Variants in ST6GALNAC5 observed in about 807,000 individuals in gnomAD.
The protein encoded by ST6GALNAC5 is ST6 N-acetylgalactosaminide alpha-2,6-sialyltransferase 5.
ST6GALNAC5 carries 27 observed loss-of-function variants against 33.6 expected under a neutral mutation model. The observed-to-expected ratio is 0.80, with a 90% CI of 0.59 to 1.11. The LOEUF (loss-of-function observed/expected upper bound fraction) is 1.11. Ranked by LOEUF, ST6GALNAC5 falls within the 50% of genes least tolerant of loss-of-function variation. The pLI is 0.00. For missense variants in ST6GALNAC5, 428 were observed against 454.0 expected (o/e 0.94, Z 0.52); for synonymous variants, 194 against 171.2 (o/e 1.13, Z -1.04).
chr1:76,903,855 C>T (rs1359148229), intron 2 of ST6GALNAC5, among the ~76,000 whole-genome samples: 3 of 152,170 alleles, frequency 2.0e-5, no homozygotes, highest in East Asian at 1.9e-4. Flanking sequence ...ATGAGATGTC[C>T]AGAATAAGCA....
chr1:76,960,456 T>C (rs1018604032), intron 2 of ST6GALNAC5, among the ~76,000 whole-genome samples: 1 of 152,194 alleles, frequency 6.6e-6, no homozygotes, highest in East Asian at 1.9e-4. Flanking sequence ...TTAAAATTGC[T>C]AATGAAGTTT....
intron 2 of ST6GALNAC5, among the ~76,000 whole-genome samples, chr1:76,914,130 A>C (rs916881253): frequency 3.9e-5 from 6 of 152,164 alleles, no homozygotes; most frequent in African/African-American, 1.4e-4. Flanking sequence ...TCCAACTTAC[A>C]AGGGACATGA....
intron 2 of ST6GALNAC5, among the ~76,000 whole-genome samples, chr1:76,921,061 G>A (rs908588473): frequency 1.3e-5 from 2 of 152,110 alleles, no homozygotes; most frequent in East Asian, 1.9e-4. Context: ...TATTTTAGTG[G>A]GAATTATGCC....
chr1:77,024,665 T>A (rs953586170), intron 2 of ST6GALNAC5, among the ~76,000 whole-genome samples: 5 of 152,182 alleles, frequency 3.3e-5, no homozygotes, highest in African/African-American at 9.7e-5. Flanking sequence ...CGCAAGGGAC[T>A]TTGATATGTG....
At chr1:76,897,823 A>G (rs960532430) in intron 2 of ST6GALNAC5, among the ~76,000 whole-genome samples, 106 of 152,272 alleles carry the variant, frequency 7.0e-4, no homozygotes, top group Admixed American at 2.6e-3. Flanking sequence ...CAGAGTTGGG[A>G]AGTTTTAAGA....
chr1:76,888,689 T>C (rs962996545), intron 2 of ST6GALNAC5, among the ~76,000 whole-genome samples: 5 of 152,104 alleles, frequency 3.3e-5, no homozygotes, highest in African/African-American at 9.7e-5. Flanking sequence ...CCTGTATTAG[T>C]TTAAAAATTA....
At chr1:76,892,345 C>G (rs1654031670) in intron 2 of ST6GALNAC5, among the ~76,000 whole-genome samples, 1 of 152,212 alleles carries the variant, frequency 6.6e-6, no homozygotes, top group African/African-American at 2.4e-5. Flanking sequence ...TAAGATAGAT[C>G]TTAAACAGAA....
intron 2 of ST6GALNAC5, among the ~76,000 whole-genome samples, chr1:77,019,672 T>G (rs559801696): frequency 6.6e-6 from 1 of 152,324 alleles, no homozygotes; most frequent in East Asian, 1.9e-4. Flanking sequence ...CATGCTGATA[T>G]GAGTAGCAGA....
intron 2 of ST6GALNAC5, among the ~76,000 whole-genome samples, chr1:76,963,152 G>A (rs1648313747): frequency 6.6e-6 from 1 of 152,170 alleles, no homozygotes; most frequent in African/African-American, 2.4e-5. Flanking sequence ...GTGAGACCCT[G>A]ATAGTAAAGA....
At chr1:77,006,994 G>C (rs1169889264) in intron 2 of ST6GALNAC5, among the ~76,000 whole-genome samples, 1 of 152,172 alleles carries the variant, frequency 6.6e-6, no homozygotes, top group African/African-American at 2.4e-5. Context: ...CAGGGTGGCA[G>C]GGTCCCAAGA....
At chr1:77,042,269 C>T (rs529874328) in intron 2 of ST6GALNAC5, among the ~76,000 whole-genome samples, 45 of 152,268 alleles carry the variant, frequency 3.0e-4, no homozygotes, top group African/African-American at 1.0e-3. Context: ...CTTTGTGCCC[C>T]CAGCTTTGCT....
intron 2 of ST6GALNAC5, among the ~76,000 whole-genome samples, chr1:76,920,667 T>C (rs1647025509): frequency 6.6e-6 from 1 of 152,168 alleles, no homozygotes; most frequent in South Asian, 2.1e-4. Flanking sequence ...TGCATTACCT[T>C]CTAATACTGG....
intron 2 of ST6GALNAC5, among the ~76,000 whole-genome samples, chr1:77,021,006 A>G (rs1002150066): frequency 4.6e-5 from 7 of 152,150 alleles, no homozygotes; most frequent in Admixed American, 3.9e-4. Flanking sequence ...CCACATCACC[A>G]ATTCTAATCT....
At chr1:76,906,320 C>A (rs1271989456) in intron 2 of ST6GALNAC5, among the ~76,000 whole-genome samples, 1 of 152,122 alleles carries the variant, frequency 6.6e-6, no homozygotes. Context: ...AGGTTTCTCA[C>A]ACTGGTGTTT....
At chr1:77,023,593 C>T (rs1651129696) in intron 2 of ST6GALNAC5, among the ~76,000 whole-genome samples, 1 of 152,198 alleles carries the variant, frequency 6.6e-6, no homozygotes, top group Admixed American at 6.5e-5. Context: ...GGAACTGTGT[C>T]AGAGCAGAGG....
At chr1:76,921,545 A>G (rs1391258151) in intron 2 of ST6GALNAC5, among the ~76,000 whole-genome samples, 1 of 152,190 alleles carries the variant, frequency 6.6e-6, no homozygotes, top group East Asian at 1.9e-4. Context: ...TTCTGCAGCC[A>G]TTACATGGAT....
intron 2 of ST6GALNAC5, among the ~76,000 whole-genome samples, chr1:76,917,629 G>A (rs1294903575): frequency 2.0e-5 from 3 of 150,882 alleles, no homozygotes; most frequent in Non-Finnish European, 4.4e-5. Flanking sequence ...AAAACAATAG[G>A]CATTATAAAT....
intron 2 of ST6GALNAC5, among the ~76,000 whole-genome samples, chr1:77,015,980 G>A (rs1650815798): frequency 1.3e-5 from 2 of 151,828 alleles, no homozygotes; most frequent in Admixed American, 1.3e-4. Context: ...CATCCTGAAA[G>A]GCAGGGGGCT....
At chr1:76,929,846 C>G in intron 2 of ST6GALNAC5, among the ~76,000 whole-genome samples, 1 of 152,008 alleles carries the variant, frequency 6.6e-6, no homozygotes, top group Admixed American at 6.6e-5. Flanking sequence ...AGTAGGGGCT[C>G]ATGCCTGTAA....
Sources: gnomAD v4.1 joint callset for allele counts (sites outside exome capture counted in the v4.1 genomes callset) on GRCh38, gnomAD v4.1.1 for gene constraint, MANE v1.5 for transcripts, NCBI Gene and HGNC (gene_info 2026-07-23, HGNC 2026-07-21) for gene names.